The following CCDC39 variants were observed in gnomAD, a reference collection of about 807,000 sequenced individuals.
The protein encoded by CCDC39 is coiled-coil domain-containing protein 39.
In CCDC39, 113 loss-of-function variants were observed where a neutral mutation model predicts 121.0. That is an observed-to-expected ratio of 0.93 (90% confidence interval 0.80 to 1.09). CCDC39 has a LOEUF of 1.09. CCDC39 is among the 50% of genes least tolerant of loss of function. The pLI is 0.00. For synonymous variants in CCDC39, 349 were observed against 352.2 expected (o/e 0.99, Z 0.10); for missense variants, 1,063 against 1,074.7 (o/e 0.99, Z 0.15).
At chr3:180,669,451 C>T (rs1013145965) in intron 1 of CCDC39, among the ~76,000 whole-genome samples, 1 of 152,002 alleles carries the variant, frequency 6.6e-6, no homozygotes, top group African/African-American at 2.4e-5. Flanking sequence ...GTCTTCCTAC[C>T]CAGAAATATC....
intron 14 of CCDC39, among the ~76,000 whole-genome samples, chr3:180,626,160 G>T (rs1378163765): frequency 6.6e-6 from 1 of 152,136 alleles, no homozygotes; most frequent in African/African-American, 2.4e-5. Context: ...TGTTGGTAGT[G>T]CATGGGAGTG....
At chr3:180,666,952 C>T (rs1419744121) in intron 1 of CCDC39, among the ~76,000 whole-genome samples, 1 of 151,692 alleles carries the variant, frequency 6.6e-6, no homozygotes, top group Non-Finnish European at 1.5e-5. Context: ...TACAAAAAAG[C>T]AACAAAGAAC....
At chr3:180,655,531 G>C (rs1432520110) in intron 6 of CCDC39, among the ~76,000 whole-genome samples, 2 of 150,896 alleles carry the variant, frequency 1.3e-5, no homozygotes, top group African/African-American at 4.9e-5. Flanking sequence ...TGGCTTTCCA[G>C]GATAGGGAAG....
chr3:180,662,780 T>C (rs1711774208), intron 2 of CCDC39, among the ~76,000 whole-genome samples: 1 of 152,328 alleles, frequency 6.6e-6, no homozygotes, highest in East Asian at 1.9e-4. Context: ...GTTTATTAAA[T>C]TTGTAACTTT....
chr3:180,657,556 C>CT (rs766014593), intron 6 of CCDC39, among the ~76,000 whole-genome samples: 39 of 152,160 alleles, frequency 2.6e-4, no homozygotes, highest in Admixed American at 5.2e-4. Flanking sequence ...TAACATCCCA[C>CT]TGCACCCCTT....
chr3:180,640,001 C>A (rs1424663133), intron 13 of CCDC39, among the ~76,000 whole-genome samples: 1 of 151,978 alleles, frequency 6.6e-6, no homozygotes, highest in Non-Finnish European at 1.5e-5. Flanking sequence ...ATGTTAAACT[C>A]TTGAAAATGC....
rs1207169813 is a variant in CCDC39 at position 180,652,376 on chromosome 3, AC to A, written c.931-111del. On this transcript the variant is annotated intron_variant, in intron 7 of 19. Coordinates refer to ENST00000476379, the MANE Select transcript of CCDC39 (RefSeq NM_181426.2). ...TTAAGTTCTAACCTACATCACACCC[AC>A]AAAAGTAGTAGCCATTTTTTTATAT... is the stretch of plus-strand genomic sequence containing the variant. 1.2e-4 allele frequency: 69 copies of A among 555,616 alleles called. 1 individual carries two copies. The African/African-American group carries it at 1.3e-3, about 10-fold the overall frequency. 34.4% of individuals were successfully genotyped at this position (555,616 alleles called of 1,614,324 possible).
rs975452542 is a variant in CCDC39 at position 180,615,466 on chromosome 3, A to G, written c.2670-389T>C. On this transcript the variant is annotated intron_variant, in intron 19 of 19. Coordinates refer to ENST00000476379, the MANE Select transcript of CCDC39 (RefSeq NM_181426.2). ...ACCTTTTGTAATTTAAGCTGAAGAG[A>G]AGAGAGAAGCATATTGATGGATAAA... Among the ~76,000 whole-genome samples the G allele has an allele frequency of 1.1e-4, 16 of 152,266 alleles. 1 individual carries two copies. The highest frequency in any genetic ancestry group is 1.0e-3 in the Admixed American group (16 of 15,290).
chr3:180,619,434 G>A, intron 15 of CCDC39, 69 bp from the exon 16 acceptor site: 1 of 781,800 alleles, frequency 1.3e-6, no homozygotes, highest in South Asian at 1.7e-5. Context: ...AAAGTATTAT[G>A]TAAATTGCAC....
intron 7 of CCDC39, among the ~76,000 whole-genome samples, chr3:180,653,223 G>C (rs983331784): frequency 6.6e-6 from 1 of 152,158 alleles, no homozygotes; most frequent in Non-Finnish European, 1.5e-5. Context: ...GACTCTGCCA[G>C]AACCACAGCC....
At position 180,626,577 on chromosome 3, in the gene CCDC39, T is replaced by C. The variant is rs78718223; in HGVS notation, c.1998+4892A>G. On this transcript the variant is annotated intron_variant, in intron 14 of 19. Coordinates refer to ENST00000476379, the MANE Select transcript of CCDC39 (RefSeq NM_181426.2). The stretch of plus-strand genomic sequence containing the variant: ...AGTACATGGGAGTGCCTGGTCTCTT[T>C]TCTCCCTCCTTGGATCGGAGACAGC... Among the ~76,000 whole-genome samples the C allele has an allele frequency of 4.6e-5, 7 of 152,244 alleles. No individual in the cohort carries two copies. The East Asian group carries it at 9.7e-4, about 21-fold the overall frequency.
rs777610126 is a variant in CCDC39 at position 180,660,725 on chromosome 3, C to T, written c.361G>A (p.Gly121Ser). 6.3e-7 allele frequency: 1 copy of T among 1,597,616 alleles called. No individual in the cohort carries two copies. The highest frequency in any genetic ancestry group is 1.3e-5 in the African/African-American group (1 of 74,788). ...AATTTTTGAGTGGCTTTAAATATGC[C>T]ATTCTAATTTCCAAAGAGAGAGAGA... ...ILEKKSDKEN[G>S]IFKATQKLDG... Residue 121 changes from glycine to serine, a missense_variant, in exon 4 of 20, where the codon GGC becomes AGC. Physicochemically the swap from Gly to Ser is moderately conservative, Grantham distance 56. Transcript: ENST00000476379.
At chr3:180,623,113 TATG>T (rs200799991) in intron 14 of CCDC39, among the ~76,000 whole-genome samples, 2 of 143,680 alleles carry the variant, frequency 1.4e-5, no homozygotes, top group African/African-American at 2.6e-5. Flanking sequence ...TTATTATTAT[TATG>T]GATTCATTCT....
chr3:180,615,683 T>C (rs1717206271), intron 19 of CCDC39, among the ~76,000 whole-genome samples: 1 of 152,174 alleles, frequency 6.6e-6, no homozygotes, highest in Non-Finnish European at 1.5e-5. Context: ...AAGTAGCTGC[T>C]GAATGCAGGA....
intron 14 of CCDC39, among the ~76,000 whole-genome samples, chr3:180,629,421 A>G (rs1560083341): frequency 6.6e-6 from 1 of 152,218 alleles, no homozygotes; most frequent in Admixed American, 6.5e-5. Context: ...GTTATCATCT[A>G]TACCTACAGA....
intron 13 of CCDC39, among the ~76,000 whole-genome samples, chr3:180,635,984 C>G (rs2108415720): frequency 6.6e-6 from 1 of 152,208 alleles, no homozygotes; most frequent in Admixed American, 6.5e-5. Context: ...TATGACAAAC[C>G]CACAGCCAAC....
At chr3:180,623,568 A>C (rs1362529902) in intron 14 of CCDC39, among the ~76,000 whole-genome samples, 2 of 151,928 alleles carry the variant, frequency 1.3e-5, no homozygotes, top group African/African-American at 4.8e-5. Context: ...TGATCTTTCT[A>C]CATTTTTGAT....
chr3:180,657,920 G>C (rs1186447946), intron 6 of CCDC39, among the ~76,000 whole-genome samples: 1 of 152,144 alleles, frequency 6.6e-6, no homozygotes, highest in Non-Finnish European at 1.5e-5. Context: ...ACAGCTTAAT[G>C]TTTGAAAGCA....
chr3:180,668,614 T>C (rs1711951833), intron 1 of CCDC39, among the ~76,000 whole-genome samples: 1 of 152,180 alleles, frequency 6.6e-6, no homozygotes, highest in Admixed American at 6.6e-5. Flanking sequence ...ATTTAGTAAT[T>C]ACCTTCAAAC....
Sources: allele counts gnomAD v4.1 joint callset (sites outside exome capture counted in the v4.1 genomes callset), GRCh38; gene constraint gnomAD v4.1.1; transcripts MANE v1.5; gene names NCBI Gene and HGNC (gene_info 2026-07-23, HGNC 2026-07-21).